Variants in ITGBL1 observed in about 807,000 individuals in gnomAD.
ITGBL1 encodes integrin beta-like protein 1.
Under a neutral mutation model 68.5 loss-of-function variants are expected in ITGBL1, and 51 were observed. That is an observed-to-expected ratio of 0.74 (90% CI 0.59 to 0.94). The LOEUF (loss-of-function observed/expected upper bound fraction) is 0.94. Among genes scored for constraint, ITGBL1 ranks in the 40% least tolerant of loss-of-function variants. The probability of loss-of-function intolerance (pLI) is 0.00; values close to 1 mark genes in which losing one functional copy is unlikely to be tolerated. For missense variants in ITGBL1, 649 were observed against 647.4 expected (o/e 1.00, Z -0.03); for synonymous variants, 209 against 227.3 (o/e 0.92, Z 0.72).
intron 7 of ITGBL1, among the ~76,000 whole-genome samples, chr13:101,605,630 A>G (rs984015681): frequency 5.6e-5 from 8 of 143,104 alleles, no homozygotes; most frequent in Non-Finnish European, 7.9e-5. Context: ...ACACGTATGT[A>G]GACATGTATG....
At chr13:101,587,771 A>G (rs1479314797) in intron 6 of ITGBL1, among the ~76,000 whole-genome samples, 3 of 152,224 alleles carry the variant, frequency 2.0e-5, no homozygotes, top group Non-Finnish European at 4.4e-5. Context: ...ATTAAGAAAG[A>G]AACTAAAGGA....
At chr13:101,635,711 C>T (rs959388854) in intron 7 of ITGBL1, among the ~76,000 whole-genome samples, 1 of 151,984 alleles carries the variant, frequency 6.6e-6, no homozygotes, top group Non-Finnish European at 1.5e-5. Flanking sequence ...ACTCCAGTAA[C>T]TAATGTAGAC....
At chr13:101,570,999 A>G (rs1566736648) in intron 3 of ITGBL1, among the ~76,000 whole-genome samples, 1 of 152,170 alleles carries the variant, frequency 6.6e-6, no homozygotes, top group Non-Finnish European at 1.5e-5. Context: ...ACACACAAAT[A>G]CATATACACA....
At chr13:101,644,020 T>G (rs971419009) in intron 7 of ITGBL1, among the ~76,000 whole-genome samples, 3 of 152,080 alleles carry the variant, frequency 2.0e-5, no homozygotes, top group Non-Finnish European at 4.4e-5. Context: ...CTTTGAAAAG[T>G]GGAAGATCCG....
At chr13:101,672,522 T>C (rs934375141) in intron 7 of ITGBL1, among the ~76,000 whole-genome samples, 44 of 152,274 alleles carry the variant, frequency 2.9e-4, no homozygotes, top group African/African-American at 1.1e-3. Context: ...GCAGACAAGA[T>C]GGTTCTGGCC....
intron 8 of ITGBL1, among the ~76,000 whole-genome samples, chr13:101,693,763 A>C (rs949818210): frequency 1.3e-5 from 2 of 152,186 alleles, no homozygotes; most frequent in Non-Finnish European, 2.9e-5. Context: ...CTGACAAAAA[A>C]ATACTTTCTT....
intron 2 of ITGBL1, among the ~76,000 whole-genome samples, chr13:101,510,091 A>T (rs2049091032): frequency 6.6e-6 from 1 of 152,098 alleles, no homozygotes; most frequent in South Asian, 2.1e-4. Context: ...GGATTGTTAC[A>T]TGGGTATATT....
chr13:101,568,217 C>T (rs1387561354), intron 3 of ITGBL1, among the ~76,000 whole-genome samples: 2 of 152,012 alleles, frequency 1.3e-5, no homozygotes, highest in African/African-American at 2.4e-5. Context: ...TTTTTACCTT[C>T]GCAAAATAGA....
chr13:101,466,541 T>G (rs529598265), intron 2 of ITGBL1, among the ~76,000 whole-genome samples: 117 of 152,314 alleles, frequency 7.7e-4, no homozygotes, highest in Non-Finnish European at 1.6e-3. Flanking sequence ...GCTTCCTCTT[T>G]CTCACCTTGT....
At chr13:101,715,352 G>T in intron 10 of ITGBL1, 1 of 550,810 alleles carries the variant, frequency 1.8e-6, no homozygotes, top group Non-Finnish European at 3.3e-6. Context: ...ATCGGTAAAG[G>T]GTGGCACCAA....
chr13:101,564,102 CAA>C (rs2050142945), intron 2 of ITGBL1, among the ~76,000 whole-genome samples: 1 of 152,004 alleles, frequency 6.6e-6, no homozygotes, highest in African/African-American at 2.4e-5. Flanking sequence ...CAATCCCTAT[CAA>C]AATCTGTGCA....
At chr13:101,597,545 T>G (rs1349654166) in intron 6 of ITGBL1, among the ~76,000 whole-genome samples, 1 of 147,976 alleles carries the variant, frequency 6.8e-6, no homozygotes, top group Non-Finnish European at 1.5e-5. Flanking sequence ...TTTTTTGTTG[T>G]TTTTTTTGTT....
intron 2 of ITGBL1, among the ~76,000 whole-genome samples, chr13:101,546,432 A>G (rs749432002): frequency 9.2e-5 from 14 of 152,318 alleles, no homozygotes; most frequent in Admixed American, 3.3e-4. Flanking sequence ...TGAACATTTT[A>G]AGGGTCCAAA....
At chr13:101,482,514 C>G (rs1057510345) in intron 2 of ITGBL1, among the ~76,000 whole-genome samples, 1 of 151,766 alleles carries the variant, frequency 6.6e-6, no homozygotes, top group Non-Finnish European at 1.5e-5. Flanking sequence ...TTTTATGTAC[C>G]TATGACATTT....
At chr13:101,522,792 T>C (rs1207754391) in intron 2 of ITGBL1, among the ~76,000 whole-genome samples, 1 of 152,172 alleles carries the variant, frequency 6.6e-6, no homozygotes, top group African/African-American at 2.4e-5. Flanking sequence ...TTGAGGAGCT[T>C]TAAACCCAGA....
intron 2 of ITGBL1, among the ~76,000 whole-genome samples, chr13:101,508,882 TA>T (rs1242927749): frequency 2.0e-5 from 3 of 152,138 alleles, no homozygotes; most frequent in Admixed American, 6.6e-5. Context: ...TAAGGTTTTT[TA>T]AAAAATTCTC....
At chr13:101,488,308 T>C (rs2048728110) in intron 2 of ITGBL1, among the ~76,000 whole-genome samples, 1 of 152,244 alleles carries the variant, frequency 6.6e-6, no homozygotes, top group Non-Finnish European at 1.5e-5. Context: ...GTCTAGTTTT[T>C]AGCTTGATGT....
intron 5 of ITGBL1, among the ~76,000 whole-genome samples, chr13:101,580,270 C>T (rs1028009708): frequency 2.6e-5 from 4 of 152,024 alleles, no homozygotes; most frequent in African/African-American, 4.8e-5. Flanking sequence ...ATACAGAAAT[C>T]GTAGCATACC....
intron 2 of ITGBL1, among the ~76,000 whole-genome samples, chr13:101,503,157 A>G (rs1167368597): frequency 1.3e-5 from 2 of 152,198 alleles, no homozygotes; most frequent in South Asian, 2.1e-4. Context: ...AAGTTTTCCT[A>G]TACTGTGAAA....
Sources: gnomAD v4.1 joint callset for allele counts (sites outside exome capture counted in the v4.1 genomes callset) on GRCh38, gnomAD v4.1.1 for gene constraint, MANE v1.5 for transcripts, NCBI Gene and HGNC (gene_info 2026-07-23, HGNC 2026-07-21) for gene names.